Variants in FAM222B observed in about 807,000 individuals in gnomAD.
The protein encoded by FAM222B is protein FAM222B.
FAM222B carries 12 observed loss-of-function variants against 38.0 expected under a neutral mutation model. That is an observed-to-expected ratio of 0.32 (90% CI 0.20 to 0.51). FAM222B has a LOEUF of 0.51. Ranked by LOEUF, FAM222B falls within the 20% of genes least tolerant of loss-of-function variation. The pLI is 0.97. For synonymous variants in FAM222B, 329 were observed against 317.2 expected (o/e 1.04, Z -0.40); for missense variants, 716 against 754.2 (o/e 0.95, Z 0.59).
At chr17:28,835,024 T>TGTGTGTGTGTG (rs2038792448) in intron 1 of FAM222B, among the ~76,000 whole-genome samples, 6 of 132,010 alleles carry the variant, frequency 4.5e-5, no homozygotes, top group Non-Finnish European at 9.5e-5. Flanking sequence ...TCAGCTAATT[T>TGTGTGTGTGTG]TGTGTGTGTG....
chr17:28,843,972 C>T (rs1175598195), upstream of FAM222B, among the ~76,000 whole-genome samples: 2 of 152,156 alleles, frequency 1.3e-5, no homozygotes, highest in African/African-American at 4.8e-5. Context: ...CTAGGCATCG[C>T]GTGTATGCTA....
chr17:28,854,976 C>T (rs1408460921), exon 1 of FAM222B: 28 of 1,506,734 alleles, frequency 1.9e-5, no homozygotes, highest in Middle Eastern at 4.6e-4. Context: ...GGTTCGTCAG[C>T]CGCTCTGTTC....
At chr17:28,774,954 T>C (rs1442817197) in intron 1 of FAM222B, among the ~76,000 whole-genome samples, 1 of 148,852 alleles carries the variant, frequency 6.7e-6, no homozygotes, top group Non-Finnish European at 1.5e-5. Context: ...AATAAATAAA[T>C]TAAATAAATA....
chr17:28,772,065 A>G (rs2151805595), intron 1 of FAM222B, among the ~76,000 whole-genome samples: 1 of 152,236 alleles, frequency 6.6e-6, no homozygotes, highest in South Asian at 2.1e-4. Context: ...TCAAAATAGT[A>G]ATAATAATAA....
intron 1 of FAM222B, among the ~76,000 whole-genome samples, chr17:28,852,342 C>T (rs745994729): frequency 1.3e-5 from 2 of 150,762 alleles, no homozygotes; most frequent in African/African-American, 2.4e-5. Context: ...GGCGACAGAG[C>T]GAGACTCTGT....
chr17:28,774,069 A>C (rs1234798104), intron 1 of FAM222B, among the ~76,000 whole-genome samples: 1 of 152,098 alleles, frequency 6.6e-6, no homozygotes, highest in African/African-American at 2.4e-5. Context: ...GGCTGAGTGG[A>C]GGCATTTTAT....
intron 1 of FAM222B, among the ~76,000 whole-genome samples, chr17:28,814,627 TG>T (rs2037942363): frequency 6.6e-6 from 1 of 151,858 alleles, no homozygotes; most frequent in South Asian, 2.1e-4. Flanking sequence ...CCACCACGCC[TG>T]GCTAACTTTT....
At chr17:28,805,996 C>G (rs2151912953) in intron 1 of FAM222B, among the ~76,000 whole-genome samples, 1 of 152,138 alleles carries the variant, frequency 6.6e-6, no homozygotes, top group East Asian at 1.9e-4. Context: ...ACAAAATTAG[C>G]TGGGCACATG....
chr17:28,829,525 C>T (rs897014995), intron 1 of FAM222B, among the ~76,000 whole-genome samples: 1 of 152,108 alleles, frequency 6.6e-6, no homozygotes, highest in Admixed American at 6.6e-5. Flanking sequence ...CCCCACTGTC[C>T]TTATAGTTGA....
chr17:28,779,526 CG>C (rs2036066586), intron 1 of FAM222B, among the ~76,000 whole-genome samples: 1 of 151,854 alleles, frequency 6.6e-6, no homozygotes, highest in South Asian at 2.1e-4. Flanking sequence ...CTGAGGCGGG[CG>C]GATCATGAGA....
intron 1 of FAM222B, among the ~76,000 whole-genome samples, chr17:28,823,055 TG>T (rs1016874862): frequency 6.7e-6 from 1 of 149,522 alleles, no homozygotes; most frequent in Non-Finnish European, 1.5e-5. Context: ...GACTCCATCT[TG>T]GGGGGAAAAA....
intron 1 of FAM222B, among the ~76,000 whole-genome samples, chr17:28,799,547 G>A (rs1397383898): frequency 6.6e-6 from 1 of 151,634 alleles, no homozygotes; most frequent in Admixed American, 6.6e-5. Flanking sequence ...CTGACCTCGT[G>A]ATCCGCCCAC....
At chr17:28,770,320 T>C (rs776709249) in intron 1 of FAM222B, among the ~76,000 whole-genome samples, 4 of 152,222 alleles carry the variant, frequency 2.6e-5, no homozygotes, top group Non-Finnish European at 4.4e-5. Context: ...AATCTACATA[T>C]GTCAATCTAT....
At chr17:28,850,838 C>A (rs1021317693) in intron 1 of FAM222B, among the ~76,000 whole-genome samples, 3 of 152,110 alleles carry the variant, frequency 2.0e-5, no homozygotes, top group Admixed American at 2.0e-4. Flanking sequence ...AAAAAATGTT[C>A]CGCCAGGCAT....
intron 1 of FAM222B, among the ~76,000 whole-genome samples, chr17:28,852,854 C>G (rs879289462): frequency 1.3e-5 from 2 of 151,948 alleles, no homozygotes; most frequent in African/African-American, 4.8e-5. Flanking sequence ...GCAAGGAGTT[C>G]GTAACCAGCC....
At chr17:28,853,023 G>A (rs1025842025) in intron 1 of FAM222B, among the ~76,000 whole-genome samples, 7 of 152,026 alleles carry the variant, frequency 4.6e-5, no homozygotes, top group East Asian at 1.9e-4. Flanking sequence ...GAGAAACCCC[G>A]TCTCTACTGA....
At chr17:28,766,418 T>C (rs569660057) in intron 2 of FAM222B, among the ~76,000 whole-genome samples, 168 bp downstream of exon 2, 39 of 151,130 alleles carry the variant, frequency 2.6e-4, no homozygotes, top group South Asian at 6.3e-4. Flanking sequence ...GATCGCGTCA[T>C]TGCACTCCAG....
At chr17:28,846,885 G>A (rs539736966), upstream of FAM222B, among the ~76,000 whole-genome samples, 2 of 151,970 alleles carry the variant, frequency 1.3e-5, no homozygotes, top group East Asian at 1.9e-4. Flanking sequence ...CCAGGAGTTC[G>A]TGACCAGCCT....
upstream of FAM222B, among the ~76,000 whole-genome samples, chr17:28,845,437 G>A (rs2039138757): frequency 6.6e-6 from 1 of 151,574 alleles, no homozygotes; most frequent in Non-Finnish European, 1.5e-5. Flanking sequence ...AAATTGGCTG[G>A]GCGTGGTGGT....
Sources: allele counts gnomAD v4.1 joint callset (sites outside exome capture counted in the v4.1 genomes callset), GRCh38; gene constraint gnomAD v4.1.1; transcripts MANE v1.5; gene names NCBI Gene and HGNC (gene_info 2026-07-23, HGNC 2026-07-21).